The following WDR70 variants were observed in gnomAD, a reference collection of about 807,000 sequenced individuals.
WDR70 encodes WD repeat domain 70, also known as WD repeat-containing protein 70.
Under a neutral mutation model 88.6 loss-of-function variants are expected in WDR70, and 53 were observed. The observed-to-expected ratio is 0.60, with a 90% CI of 0.48 to 0.75. The LOEUF (loss-of-function observed/expected upper bound fraction) is 0.75. Among genes scored for constraint, WDR70 ranks in the 30% least tolerant of loss-of-function variants. The pLI, the probability that WDR70 is intolerant of heterozygous loss-of-function variation, is 0.00. For missense variants in WDR70, 610 were observed against 823.2 expected (o/e 0.74, Z 3.17); for synonymous variants, 280 against 270.0 (o/e 1.04, Z -0.36).
At chr5:37,559,615 C>T (rs183046731) in intron 9 of WDR70, among the ~76,000 whole-genome samples, 13 of 152,184 alleles carry the variant, frequency 8.5e-5, no homozygotes, top group African/African-American at 2.9e-4. Flanking sequence ...GAGGACGAGG[C>T]GGGTGGATCA....
intron 13 of WDR70, among the ~76,000 whole-genome samples, chr5:37,720,692 C>T (rs1342876259): frequency 3.9e-5 from 6 of 152,176 alleles, no homozygotes; most frequent in African/African-American, 1.4e-4. Context: ...GAACTAAAAA[C>T]AATAACCACC....
chr5:37,394,882 A>G lies in WDR70; in HGVS notation c.297-1493A>G, dbSNP rs147219191. Among the ~76,000 whole-genome samples the G allele has an allele frequency of 3.4e-3, 516 of 152,352 alleles. 1 individual carries two copies. The highest frequency in any genetic ancestry group is 4.7e-3 in the Non-Finnish European group (319 of 68,032). On this transcript the variant is annotated intron_variant, in intron 4 of 17. Coordinates refer to ENST00000265107, the MANE Select transcript of WDR70 (RefSeq NM_018034.4). Reference sequence around the variant, plus strand: ...TTTTTATGGAGGTTTGCTAGTTCATATACCTCTGTTTAAGGGTAACCTGAA... The same window carrying G: ...TTTTTATGGAGGTTTGCTAGTTCATGTACCTCTGTTTAAGGGTAACCTGAA...
intron 8 of WDR70, among the ~76,000 whole-genome samples, chr5:37,511,079 G>T (rs1403020693): frequency 6.6e-6 from 1 of 152,150 alleles, no homozygotes; most frequent in Non-Finnish European, 1.5e-5. Context: ...TAAGTAATTT[G>T]CAGGGAGATT....
chr5:37,402,832 C>T (rs1749237684), intron 5 of WDR70, among the ~76,000 whole-genome samples: 1 of 151,660 alleles, frequency 6.6e-6, no homozygotes, highest in African/African-American at 2.4e-5. Flanking sequence ...CTAGTAGTCA[C>T]TAATCTCTCT....
chr5:37,628,467 G>A (rs369514253), intron 10 of WDR70, among the ~76,000 whole-genome samples: 32 of 151,988 alleles, frequency 2.1e-4, no homozygotes, highest in African/African-American at 4.4e-4. Context: ...ATTATATAAC[G>A]TACTTTTTTG....
rs76546392 is a variant in WDR70, at chr5:37,735,514, A to G, written c.1877+8469A>G. ...GAGGACTGCACTCTCTTCCTGATAC[A>G]CACCTTTCTGCCGCTGCATTTTGCT... On this transcript the variant is annotated intron_variant, in intron 17 of 17. Transcript: ENST00000265107. Among the ~76,000 whole-genome samples the G allele has an allele frequency of 1.6e-4, 24 of 152,174 alleles. No individual in the cohort carries two copies. The East Asian group carries it at 2.7e-3, about 17-fold the overall frequency.
intron 5 of WDR70, among the ~76,000 whole-genome samples, chr5:37,411,603 GT>G (rs747859202): frequency 3.3e-5 from 5 of 152,162 alleles, no homozygotes; most frequent in African/African-American, 4.8e-5. Context: ...GCACGCACCT[GT>G]AATTCCAGCT....
chr5:37,688,581 G>C (rs1275831851), intron 10 of WDR70, among the ~76,000 whole-genome samples: 1 of 151,952 alleles, frequency 6.6e-6, no homozygotes, highest in East Asian at 1.9e-4. Flanking sequence ...TTGGTAACTT[G>C]ATGGGATATA....
chr5:37,424,620 A>C (rs1490727302), intron 5 of WDR70, among the ~76,000 whole-genome samples: 1 of 151,886 alleles, frequency 6.6e-6, no homozygotes, highest in Non-Finnish European at 1.5e-5. Flanking sequence ...CTGTTGCCCA[A>C]GCTGGACTTG....
intron 13 of WDR70, among the ~76,000 whole-genome samples, chr5:37,718,203 A>C (rs1747706707): frequency 6.6e-6 from 1 of 152,158 alleles, no homozygotes; most frequent in Non-Finnish European, 1.5e-5. Context: ...ACAGGAATAG[A>C]GGTGAGGTGT....
intron 5 of WDR70, among the ~76,000 whole-genome samples, chr5:37,431,424 G>T (rs1435218650): frequency 2.0e-5 from 3 of 151,196 alleles, no homozygotes; most frequent in African/African-American, 7.3e-5. Flanking sequence ...GTCAATTCAG[G>T]TCCTCTCTGG....
At position 37,516,654 on chromosome 5, in the gene WDR70, A is replaced by G. The variant is rs1289682558; in HGVS notation, c.917+64A>G. On this transcript the variant is annotated intron_variant, in intron 9 of 17. Transcript: ENST00000265107. ...TTTAGGTATTTTATTTAACGTTTGG[A>G]TTGTTACAATCTTGGCAGTAATGTA... 12 of 1,118,258 alleles carry G rather than the reference A, an allele frequency of 1.1e-5. No individual in the cohort carries two copies. In the African/African-American group the frequency reaches 1.5e-4, roughly 14 times the overall value. The allele number at this position is 1,118,258 out of a possible 1,614,324, so 69.3% of individuals were successfully genotyped here. A position where few individuals can be genotyped will look rare whatever the true frequency, so the allele number is the denominator to read the frequency against.
chr5:37,529,625 T>C (rs1291342120), intron 9 of WDR70, among the ~76,000 whole-genome samples: 1 of 152,142 alleles, frequency 6.6e-6, no homozygotes. Flanking sequence ...ATTCTGAGTG[T>C]GGTTGCTATT....
chr5:37,710,351 T>TCA (rs140031975), intron 13 of WDR70, among the ~76,000 whole-genome samples: 2 of 151,978 alleles, frequency 1.3e-5, no homozygotes, highest in Admixed American at 6.6e-5. Flanking sequence ...CCCTCTATAG[T>TCA]CACACACACA....
chr5:37,531,592 T>TC (rs1554147568), intron 9 of WDR70, among the ~76,000 whole-genome samples: 34 of 111,354 alleles, frequency 3.1e-4, no homozygotes, highest in East Asian at 6.2e-4. Flanking sequence ...TTTTTCTTTT[T>TC]TTTTTTTTTT....
At chr5:37,569,167 A>C (rs1742829792) in intron 9 of WDR70, among the ~76,000 whole-genome samples, 1 of 152,232 alleles carries the variant, frequency 6.6e-6, no homozygotes, top group African/African-American at 2.4e-5. Context: ...AGCATAGCCA[A>C]AATGAAAGTT....
At chr5:37,748,040 T>C (rs1383236224) in intron 17 of WDR70, among the ~76,000 whole-genome samples, 1 of 152,184 alleles carries the variant, frequency 6.6e-6, no homozygotes, top group Non-Finnish European at 1.5e-5. Context: ...GAAGAATCAG[T>C]ATGGTGAAAA....
intron 13 of WDR70, among the ~76,000 whole-genome samples, chr5:37,706,436 C>G (rs183110779): frequency 2.0e-5 from 3 of 152,216 alleles, no homozygotes; most frequent in East Asian, 1.9e-4. Context: ...TGGGAAGGAC[C>G]TGGTGGGATG....
intron 17 of WDR70, among the ~76,000 whole-genome samples, chr5:37,743,724 A>G (rs1418168128): frequency 6.6e-6 from 1 of 152,098 alleles, no homozygotes; most frequent in East Asian, 1.9e-4. Flanking sequence ...TCCCTGCATG[A>G]TCTCCAATAA....
Sources: allele counts gnomAD v4.1 joint callset (sites outside exome capture counted in the v4.1 genomes callset), GRCh38; gene constraint gnomAD v4.1.1; transcripts MANE v1.5; gene names NCBI Gene and HGNC (gene_info 2026-07-23, HGNC 2026-07-21).